The following KCTD16 variants were observed in gnomAD, a reference collection of about 807,000 sequenced individuals.
The protein encoded by KCTD16 is potassium channel tetramerization domain containing 16.
Under a neutral mutation model 33.2 loss-of-function variants are expected in KCTD16, and 13 were observed. That is an observed-to-expected ratio of 0.39 (90% CI 0.25 to 0.62). The LOEUF (loss-of-function observed/expected upper bound fraction) is 0.62, where lower values mean the gene tolerates loss of function less well. KCTD16 is among the 20% of genes least tolerant of loss of function. KCTD16 has a pLI of 0.50. For missense variants in KCTD16, 441 were observed against 525.1 expected (o/e 0.84, Z 1.57); for synonymous variants, 197 against 195.3 (o/e 1.01, Z -0.07).
At chr5:144,286,296 T>G (rs917001652) in intron 3 of KCTD16, among the ~76,000 whole-genome samples, 4 of 152,256 alleles carry the variant, frequency 2.6e-5, no homozygotes, top group South Asian at 2.1e-4. Flanking sequence ...TAGGTGTGGG[T>G]GAACCTATAG....
chr5:144,274,061 C>T (rs1384838074), intron 3 of KCTD16, among the ~76,000 whole-genome samples: 1 of 149,932 alleles, frequency 6.7e-6, no homozygotes, highest in Non-Finnish European at 1.5e-5. Context: ...GAAAAAAAAT[C>T]CACTTGGGCA....
intron 3 of KCTD16, among the ~76,000 whole-genome samples, chr5:144,247,701 A>T (rs1052962565): frequency 2.6e-5 from 4 of 152,248 alleles, no homozygotes; most frequent in African/African-American, 9.6e-5. Context: ...GGTAATTTTT[A>T]TGTAATACAT....
chr5:144,231,879 C>T (rs1754113330), intron 3 of KCTD16, among the ~76,000 whole-genome samples: 1 of 152,156 alleles, frequency 6.6e-6, no homozygotes, highest in Non-Finnish European at 1.5e-5. Context: ...ATTACCCAGT[C>T]TCAGATATAT....
intron 3 of KCTD16, among the ~76,000 whole-genome samples, chr5:144,346,741 A>G (rs754255446): frequency 6.6e-6 from 1 of 152,178 alleles, no homozygotes; most frequent in Non-Finnish European, 1.5e-5. Flanking sequence ...AGCTCCTTAT[A>G]CATTCTGGCT....
chr5:144,207,480 G>T lies in KCTD16; in HGVS notation c.766G>T (p.Ala256Ser). 1 of 1,614,162 alleles carries T rather than the reference G, an allele frequency of 6.2e-7. No homozygotes were observed. The highest frequency in any genetic ancestry group is 1.3e-5 in the African/African-American group (1 of 75,050). Residue 256 changes from alanine (A) to serine (S), a missense_variant, in exon 3 of 4, where the codon GCA becomes TCA. Physicochemically the swap from Ala to Ser is moderately conservative, Grantham distance 99. Coordinates refer to ENST00000512467, the MANE Select transcript of KCTD16 (RefSeq NM_020768.4). ...HMVACNSSVT[A>S]SFINQYTDDK... is the part of the protein sequence containing the mutation. Reference sequence around the variant, plus strand: ...GGTGGCCTGTAACTCATCGGTGACAGCATCTTTCATCAACCAATATACAGA... The same window carrying T: ...GGTGGCCTGTAACTCATCGGTGACATCATCTTTCATCAACCAATATACAGA...
chr5:144,223,880 C>T (rs1211974765), intron 3 of KCTD16, among the ~76,000 whole-genome samples: 1 of 151,926 alleles, frequency 6.6e-6, no homozygotes, highest in Non-Finnish European at 1.5e-5. Context: ...CCTTGTTCCC[C>T]ATTTCTTCCT....
At chr5:144,275,679 G>A (rs546250009) in intron 3 of KCTD16, among the ~76,000 whole-genome samples, 135 of 152,084 alleles carry the variant, frequency 8.9e-4, no homozygotes, top group Non-Finnish European at 1.8e-3. Context: ...AAATAAATAC[G>A]TGCCATTCTG....
chr5:144,207,511 A>C lies in KCTD16; in HGVS notation c.797A>C (p.Lys266Thr). ...TTCATCAACCAATATACAGATGACA[A>C]GATCTGGTCAAGCTACACTGAATAT... ...ASFINQYTDD[K>T]IWSSYTEYVF... Residue 266 changes from lysine to threonine, a missense_variant, in exon 3 of 4, where the codon AAG becomes ACG. Physicochemically the swap from Lys to Thr is moderately conservative, Grantham distance 78. Coordinates refer to ENST00000512467, the MANE Select transcript of KCTD16 (RefSeq NM_020768.4). The C allele has an allele frequency of 6.2e-7, 1 of 1,613,968 alleles. No individual in the cohort carries two copies. Among genetic ancestry groups the C allele is most frequent in the Non-Finnish European group, 8.5e-7 (1 of 1,179,928 alleles).
intron 2 of KCTD16, among the ~76,000 whole-genome samples, chr5:144,190,918 C>T (rs1266332241): frequency 6.6e-6 from 1 of 152,150 alleles, no homozygotes; most frequent in Non-Finnish European, 1.5e-5. Context: ...AGTGAATGGG[C>T]ACTCACAGAC....
chr5:144,374,175 T>G (rs1752035491), intron 3 of KCTD16, among the ~76,000 whole-genome samples: 2 of 152,202 alleles, frequency 1.3e-5, no homozygotes, highest in South Asian at 4.1e-4. Flanking sequence ...GACGTCTTTG[T>G]GGGGGCCATT....
intron 3 of KCTD16, among the ~76,000 whole-genome samples, chr5:144,240,823 T>C (rs1754382011): frequency 6.6e-6 from 1 of 152,152 alleles, no homozygotes; most frequent in South Asian, 2.1e-4. Flanking sequence ...TTATGAATTA[T>C]TGAACAAGAT....
intron 3 of KCTD16, among the ~76,000 whole-genome samples, chr5:144,457,606 G>GAGC (rs1226727050): frequency 1.3e-5 from 2 of 152,198 alleles, no homozygotes; most frequent in Non-Finnish European, 2.9e-5. Context: ...ATCTGATCAA[G>GAGC]AGCCTCTTCT....
chr5:144,468,990 T>C (rs1015386627), intron 3 of KCTD16, among the ~76,000 whole-genome samples: 15 of 152,212 alleles, frequency 9.9e-5, no homozygotes, highest in African/African-American at 3.6e-4. Flanking sequence ...GTGAGGTCTA[T>C]AGTGGAAGGG....
intron 3 of KCTD16, among the ~76,000 whole-genome samples, chr5:144,353,505 T>C (rs1751493898): frequency 6.6e-6 from 1 of 152,168 alleles, no homozygotes; most frequent in African/African-American, 2.4e-5. Context: ...TAAATTGAGC[T>C]TAATATACTG....
At chr5:144,175,164 A>C (rs369073672) in intron 2 of KCTD16, among the ~76,000 whole-genome samples, 1 of 152,220 alleles carries the variant, frequency 6.6e-6, no homozygotes, top group Non-Finnish European at 1.5e-5. Flanking sequence ...AGCACTTTGC[A>C]CTTTTTAACT....
At chr5:144,339,036 T>C (rs573431228) in intron 3 of KCTD16, among the ~76,000 whole-genome samples, 10 of 135,384 alleles carry the variant, frequency 7.4e-5, no homozygotes, top group African/African-American at 2.7e-4. Context: ...TCCAGAGAAA[T>C]GCTTTGACAC....
chr5:144,293,892 G>C (rs1270410469), intron 3 of KCTD16, among the ~76,000 whole-genome samples: 1 of 152,330 alleles, frequency 6.6e-6, no homozygotes, highest in African/African-American at 2.4e-5. Flanking sequence ...GGGTGCGGTG[G>C]CTCACGCCTG....
intron 3 of KCTD16, among the ~76,000 whole-genome samples, chr5:144,220,709 A>G (rs1167963681): frequency 6.6e-6 from 1 of 152,150 alleles, no homozygotes; most frequent in Non-Finnish European, 1.5e-5. Context: ...TGGGAGGCCG[A>G]GGCGGGTGGA....
chr5:144,237,837 T>C (rs1032011250), intron 3 of KCTD16, among the ~76,000 whole-genome samples: 2 of 152,034 alleles, frequency 1.3e-5, no homozygotes, highest in African/African-American at 2.4e-5. Context: ...AGTTCAGAGA[T>C]GAGAAAACAA....
Sources: gnomAD v4.1 joint callset for allele counts (sites outside exome capture counted in the v4.1 genomes callset) on GRCh38, gnomAD v4.1.1 for gene constraint, MANE v1.5 for transcripts, NCBI Gene and HGNC (gene_info 2026-07-23, HGNC 2026-07-21) for gene names.